The following FBXL5 variants were observed in gnomAD, a reference collection of about 807,000 sequenced individuals.
FBXL5 encodes the protein F-box/LRR-repeat protein 5.
FBXL5 carries 26 observed loss-of-function variants against 78.3 expected under a neutral mutation model. The ratio of observed to expected loss-of-function variants is 0.33; its 90% CI spans 0.24 to 0.46. The LOEUF (loss-of-function observed/expected upper bound fraction) is 0.46, where lower values mean the gene tolerates loss of function less well. Among genes scored for constraint, FBXL5 ranks in the 20% least tolerant of loss-of-function variants. The pLI is 1.00. For synonymous variants in FBXL5, 295 were observed against 282.5 expected (o/e 1.04, Z -0.45); for missense variants, 710 against 829.2 (o/e 0.86, Z 1.77).
intron 9 of FBXL5, among the ~76,000 whole-genome samples, chr4:15,614,767 C>A (rs1478566368): frequency 1.3e-5 from 2 of 152,136 alleles, no homozygotes; most frequent in African/African-American, 4.8e-5. Context: ...CCTCACAGCC[C>A]TCGCTTGCTC....
chr4:15,648,933 A>G (rs1715646014), intron 1 of FBXL5, among the ~76,000 whole-genome samples: 1 of 152,182 alleles, frequency 6.6e-6, no homozygotes, highest in South Asian at 2.1e-4. Flanking sequence ...TAATCATTAT[A>G]CAATGTACAT....
At chr4:15,634,667 A>AT (rs1381201736) in intron 5 of FBXL5, among the ~76,000 whole-genome samples, 3 of 151,292 alleles carry the variant, frequency 2.0e-5, no homozygotes, top group South Asian at 2.1e-4. Flanking sequence ...GTGCCCGGCC[A>AT]TTTTTTTTAT....
chr4:15,607,285 A>C (rs922134883), intron 10 of FBXL5, among the ~76,000 whole-genome samples: 8 of 152,218 alleles, frequency 5.3e-5, no homozygotes, highest in Non-Finnish European at 1.2e-4. Flanking sequence ...AAATTTTTCC[A>C]TAACAGGAAG....
At chr4:15,637,746 T>C (rs141131011) in intron 4 of FBXL5, among the ~76,000 whole-genome samples, 31 of 152,292 alleles carry the variant, frequency 2.0e-4, no homozygotes, top group African/African-American at 7.2e-4. Flanking sequence ...AAAATTATTT[T>C]AGTTTCAACA....
Position 15,619,772 on chromosome 4 carries a change from C to T in FBXL5, c.1850+5480G>A, listed in dbSNP as rs191047424. Among the ~76,000 whole-genome samples, 603 of 152,262 alleles carry T rather than the reference C, an allele frequency of 4.0e-3. 2 individuals carry two copies. Among genetic ancestry groups the T allele is most frequent in the Middle Eastern group, 0.01 (3 of 294 alleles). ...CTTAGGTGGGAGGATCCTTTGAGCT[C>T]GGGAGTTTGAGTTGAGCCTCAGCAA... is the stretch of plus-strand genomic sequence containing the variant. On this transcript the variant is annotated intron_variant, in intron 9 of 10. Transcript: ENST00000341285.
chr4:15,630,344 T>C (rs1009924352), intron 6 of FBXL5, among the ~76,000 whole-genome samples: 2 of 151,408 alleles, frequency 1.3e-5, no homozygotes, highest in Admixed American at 1.3e-4. Flanking sequence ...GTGCAACTGA[T>C]CACTTGAAGT....
intron 7 of FBXL5, 39 bp downstream of exon 7, chr4:15,627,845 GT>G (rs772463928): frequency 6.3e-7 from 1 of 1,580,738 alleles, no homozygotes; most frequent in Admixed American, 1.9e-5. Context: ...TTATCATGCT[GT>G]TTTTCTTAAT....
chr4:15,621,018 A>G (rs910803086), intron 9 of FBXL5, among the ~76,000 whole-genome samples: 1 of 151,736 alleles, frequency 6.6e-6, no homozygotes, highest in Non-Finnish European at 1.5e-5. Context: ...TCTGTTCAGG[A>G]CTCTCAGCTC....
At chr4:15,655,003 C>G (rs1716684138) in intron 1 of FBXL5, among the ~76,000 whole-genome samples, 1 of 151,422 alleles carries the variant, frequency 6.6e-6, no homozygotes, top group Non-Finnish European at 1.5e-5. Context: ...TCCGAGGCGG[C>G]GGCCAGGCCG....
In FBXL5 at chr4:15,644,572, T is replaced by C. The variant is rs1012079158; in HGVS notation, c.221A>G (p.Gln74Arg). The C allele has an allele frequency of 1.9e-6, 3 of 1,614,048 alleles. No homozygotes were observed. Among genetic ancestry groups the C allele is most frequent in the African/African-American group, 2.7e-5 (2 of 74,950 alleles). ...GTCAGAATGTACATTATAAATGGTC[T>C]GGCTGCGTTGTTGAAGCAAACCAAT... The part of the protein sequence containing the change: ...YIIGLLQQRS[Q>R]TIYNVHSDNK... The change falls in exon 2 of 11, where the codon CAG becomes CGG. Residue 74 changes from glutamine (Q) to arginine (R), a missense_variant. Physicochemically the swap from Gln to Arg is conservative, Grantham distance 43. This residue lies in a region of FBXL5 where 132 missense variants were observed against 156.9 expected (regional missense o/e 0.84). Transcript: ENST00000341285.
At position 15,635,102 on chromosome 4, in the gene FBXL5, C is replaced by T. The variant is rs192543838; in HGVS notation, c.766+1392G>A. Among the ~76,000 whole-genome samples the T allele has an allele frequency of 1.9e-3, 284 of 152,222 alleles. 4 individuals carry two copies. The highest frequency in any genetic ancestry group is 4.1e-3 in the East Asian group (21 of 5,168). On this transcript the variant is annotated intron_variant, in intron 5 of 10. Coordinates refer to ENST00000341285, the MANE Select transcript of FBXL5 (RefSeq NM_012161.4). ...ATCCCAGCACTTTGGGAGGCCGAGA[C>T]GGGTGGATCACCTGAGGTCAGGAGT... is the stretch of plus-strand genomic sequence containing the variant.
intron 1 of FBXL5, among the ~76,000 whole-genome samples, chr4:15,674,470 G>T (rs546954833): frequency 7.9e-5 from 12 of 151,970 alleles, no homozygotes; most frequent in Middle Eastern, 3.4e-3. Flanking sequence ...TTATTATATT[G>T]TATTTATTTG....
intron 7 of FBXL5, 54 bp from the exon 8 acceptor site, chr4:15,627,009 G>T: frequency 9.0e-7 from 1 of 1,106,536 alleles, no homozygotes; most frequent in Non-Finnish European, 1.3e-6. Flanking sequence ...AGTTAGCTAA[G>T]TAACAGATGA....
intron 9 of FBXL5, among the ~76,000 whole-genome samples, chr4:15,614,594 G>C (rs111235545): frequency 0.016 from 2,471 of 152,246 alleles, 68 homozygotes; most frequent in African/African-American, 0.056. Flanking sequence ...GGTGAGGGCA[G>C]GGTTATTCAT....
upstream of FBXL5, among the ~76,000 whole-genome samples, chr4:15,661,356 T>A (rs1037047573): frequency 6.6e-6 from 1 of 152,022 alleles, no homozygotes; most frequent in Non-Finnish European, 1.5e-5. Flanking sequence ...GGATAGTGAG[T>A]CTCCAGAGTA....
At chr4:15,660,351 G>A (rs1336909548), upstream of FBXL5, among the ~76,000 whole-genome samples, 3 of 151,914 alleles carry the variant, frequency 2.0e-5, no homozygotes, top group Non-Finnish European at 4.4e-5. Context: ...CAAAGCACTG[G>A]GATTACAGGC....
upstream of FBXL5, chr4:15,655,446 G>T (rs924351984): frequency 6.2e-6 from 6 of 971,112 alleles, no homozygotes; most frequent in Non-Finnish European, 7.3e-6. Flanking sequence ...GGGCGCGCAG[G>T]CCGCCGCCAT....
chr4:15,665,420 C>A (rs962770493), intron 1 of FBXL5, among the ~76,000 whole-genome samples: 5 of 152,144 alleles, frequency 3.3e-5, no homozygotes, highest in Admixed American at 2.0e-4. Flanking sequence ...CAGCTCATTT[C>A]TTCTATCCTT....
rs71649918 is a variant in FBXL5 at position 15,635,761 on chromosome 4, G to GAAAAAA, written c.766+727_766+732dup. ...TGAGCGAAACTCTGCCTCAAAAAAA[G>GAAAAAA]AAAAAAAAAAAAAAAAAACTCACCT... is the stretch of plus-strand genomic sequence containing the variant. On this transcript the variant is annotated intron_variant, in intron 5 of 10. Transcript: ENST00000341285. 8.3e-5 allele frequency among the ~76,000 whole-genome samples: 10 copies of GAAAAAA among 120,654 alleles called. 1 individual carries two copies. The highest frequency in any genetic ancestry group is 6.7e-5 in the Non-Finnish European group (4 of 59,548). 79.2% of individuals were successfully genotyped at this position (120,654 alleles called of 152,430 possible). A position where few individuals can be genotyped will look rare whatever the true frequency, so the allele number is the denominator to read the frequency against.
Sources: allele counts gnomAD v4.1 joint callset (sites outside exome capture counted in the v4.1 genomes callset), GRCh38; gene constraint gnomAD v4.1.1; regional missense constraint gnomAD v4.1.1; transcripts MANE v1.5; gene names NCBI Gene and HGNC (gene_info 2026-07-23, HGNC 2026-07-21).